Variants in ANGPTL5 observed in about 807,000 individuals in gnomAD.
ANGPTL5 encodes angiopoietin-related protein 5.
A neutral mutation model predicts 39.4 loss-of-function variants in ANGPTL5; 34 were observed. That is an observed-to-expected ratio of 0.86 (90% CI 0.66 to 1.15). ANGPTL5 has a LOEUF of 1.15. Among genes scored for constraint, ANGPTL5 ranks in the 50% most tolerant of loss-of-function variants. The pLI is 0.00. For missense variants in ANGPTL5, 467 were observed against 457.5 expected (o/e 1.02, Z -0.19); for synonymous variants, 146 against 152.1 (o/e 0.96, Z 0.29).
chr11:101,897,089 C>T (rs1329023412), intron 7 of ANGPTL5, among the ~76,000 whole-genome samples: 2 of 152,194 alleles, frequency 1.3e-5, no homozygotes, highest in Non-Finnish European at 2.9e-5. Context: ...TTTTGATTTG[C>T]ATTTCTCTAA....
chr11:101,915,906 T>C (rs1350857085), intron 1 of ANGPTL5, 113 bp downstream of exon 1: 2 of 152,392 alleles, frequency 1.3e-5, no homozygotes. Flanking sequence ...GTTTTCCATC[T>C]CTGCCCAGTC....
intron 7 of ANGPTL5, among the ~76,000 whole-genome samples, chr11:101,898,001 A>AT (rs1939829719): frequency 6.6e-6 from 1 of 152,154 alleles, no homozygotes; most frequent in African/African-American, 2.4e-5. Context: ...AGGCAGGTGG[A>AT]TCACCTGAGG....
At chr11:101,902,928 T>A (rs570908338) in intron 5 of ANGPTL5, among the ~76,000 whole-genome samples, 2 of 152,302 alleles carry the variant, frequency 1.3e-5, no homozygotes, top group East Asian at 3.9e-4. Flanking sequence ...CCTTCACTTA[T>A]AATGTCACTG....
intron 7 of ANGPTL5, among the ~76,000 whole-genome samples, chr11:101,896,156 ATATT>A (rs55980962): frequency 0.53 from 74,239 of 139,320 alleles, 19,946 homozygotes; most frequent in East Asian, 0.64. Flanking sequence ...CTGTAATCCT[ATATT>A]TATTTATTTA....
At position 101,891,587 on chromosome 11, in the gene ANGPTL5, G is replaced by A. The variant is rs773782310; in HGVS notation, c.859C>T (p.Arg287Trp). Residue 287 changes from arginine (R) to tryptophan (W), a missense_variant, in exon 9 of 9, where the codon CGG becomes TGG. Coordinates refer to ENST00000334289, the MANE Select transcript of ANGPTL5 (RefSeq NM_178127.5). ...RYSGNAGDAF[R>W]GLKKEDNQNA... is the part of the protein sequence containing the mutation. ...TGATTATCTTCTTTTTTGAGACCCCGGAATGCATCACCTGGGAAAAAAATT... is the reference window on the plus strand; with the variant it reads ...TGATTATCTTCTTTTTTGAGACCCCAGAATGCATCACCTGGGAAAAAAATT... 6.2e-6 allele frequency: 10 copies of A among 1,613,424 alleles called. No individual in the cohort carries two copies. The highest frequency in any genetic ancestry group is 3.3e-5 in the Admixed American group (2 of 59,908).
chr11:101,915,537 T>C (rs775109240), intron 1 of ANGPTL5: 1 of 1,251,034 alleles, frequency 8.0e-7, no homozygotes, highest in Non-Finnish European at 1.1e-6. Flanking sequence ...TTAGTGCAGA[T>C]ATTTCCTTTA....
rs1939872968 is a variant in ANGPTL5, at chr11:101,900,472, T to A, written c.619A>T (p.Arg207Trp). 1.9e-6 allele frequency: 3 copies of A among 1,613,498 alleles called. No individual in the cohort carries two copies. Among genetic ancestry groups the A allele is most frequent in the Non-Finnish European group, 2.5e-6 (3 of 1,179,738 alleles). The change falls in exon 7 of 9, where the codon AGG (arginine) becomes TGG (tryptophan). Residue 207 changes from arginine to tryptophan, a missense_variant. Coordinates refer to ENST00000334289, the MANE Select transcript of ANGPTL5 (RefSeq NM_178127.5). ...CCATCCAGATAATCACACCACAACC[T>A]CTGGAAATCAATTATCCCATCAATT... The part of the protein sequence containing the change: ...KRIDGIIDFQ[R>W]LWCDYLDGFG...
chr11:101,907,330 A>C, intron 2 of ANGPTL5, 83 bp from the exon 3 acceptor site: 1 of 900,848 alleles, frequency 1.1e-6, no homozygotes, highest in African/African-American at 1.7e-5. Flanking sequence ...GACTATAGAG[A>C]AAAGCTTAGA....
intron 7 of ANGPTL5, among the ~76,000 whole-genome samples, chr11:101,896,559 A>G (rs530344771): frequency 2.0e-5 from 3 of 151,590 alleles, no homozygotes; most frequent in Non-Finnish European, 4.4e-5. Flanking sequence ...CCTTGTGTCC[A>G]TGTGTTCTCA....
intron 2 of ANGPTL5, among the ~76,000 whole-genome samples, chr11:101,907,464 C>T (rs188561250): frequency 6.6e-6 from 1 of 152,100 alleles, no homozygotes; most frequent in Non-Finnish European, 1.5e-5. Flanking sequence ...TGGGTAGCCA[C>T]TCACAGGACA....
chr11:101,910,799 T>C (rs939672081), intron 1 of ANGPTL5, among the ~76,000 whole-genome samples: 8 of 152,178 alleles, frequency 5.3e-5, no homozygotes, highest in Non-Finnish European at 1.0e-4. Context: ...ACCATCCTAG[T>C]CCAAGTCTGC....
chr11:101,897,527 T>G (rs561215825), intron 7 of ANGPTL5, among the ~76,000 whole-genome samples: 2 of 152,344 alleles, frequency 1.3e-5, no homozygotes, highest in Admixed American at 1.3e-4. Flanking sequence ...TGAATTAATT[T>G]TTGTATAAGG....
At chr11:101,894,251 C>A (rs1939752985) in intron 8 of ANGPTL5, among the ~76,000 whole-genome samples, 1 of 152,074 alleles carries the variant, frequency 6.6e-6, no homozygotes, top group South Asian at 2.1e-4. Flanking sequence ...ACATAATGAA[C>A]AAGTACCACA....
At chr11:101,896,553 G>T (rs1292036043) in intron 7 of ANGPTL5, among the ~76,000 whole-genome samples, 1 of 151,912 alleles carries the variant, frequency 6.6e-6, no homozygotes, top group African/African-American at 2.4e-5. Context: ...TCCCCTCCTT[G>T]TGTCCATGTG....
chr11:101,902,516 G>T, intron 6 of ANGPTL5, 105 bp downstream of exon 6: 1 of 997,506 alleles, frequency 1.0e-6, no homozygotes, highest in Middle Eastern at 2.6e-4. Context: ...AATTTTTTGA[G>T]GAAAAATTAA....
At chr11:101,915,557 G>A (rs1940191361) in intron 1 of ANGPTL5, 5 of 1,099,250 alleles carry the variant, frequency 4.5e-6, no homozygotes, top group Non-Finnish European at 5.1e-6. Context: ...AGCAACTGTC[G>A]TGTCTCACCT....
intron 5 of ANGPTL5, among the ~76,000 whole-genome samples, 176 bp downstream of exon 5, chr11:101,904,638 G>T (rs748712808): frequency 6.6e-6 from 1 of 152,204 alleles, no homozygotes; most frequent in Non-Finnish European, 1.5e-5. Context: ...CCCATTTTAA[G>T]AAAGTACACG....
chr11:101,897,632 T>A (rs11225053), intron 7 of ANGPTL5, among the ~76,000 whole-genome samples: 4,056 of 152,310 alleles, frequency 0.027, 284 homozygotes, highest in East Asian at 0.24. Flanking sequence ...CCATTGCTTT[T>A]TTTGTCAGGT....
rs143625995 is a variant in ANGPTL5, at chr11:101,897,279, C to T, written c.662-2215G>A. ...AGCCCTTTGCCAGAAGGATAGATTG[C>T]GAAAATTTTCTCCCACTCTGCAGGT... is the stretch of plus-strand genomic sequence containing the variant. On this transcript the variant is annotated intron_variant, in intron 7 of 8. Transcript: ENST00000334289. Among the ~76,000 whole-genome samples the T allele has an allele frequency of 2.4e-3, 359 of 152,186 alleles. 1 individual carries two copies. Among genetic ancestry groups the T allele is most frequent in the Middle Eastern group, 0.01 (3 of 294 alleles).
Sources: allele counts gnomAD v4.1 joint callset (sites outside exome capture counted in the v4.1 genomes callset), GRCh38; gene constraint gnomAD v4.1.1; transcripts MANE v1.5; gene names NCBI Gene and HGNC (gene_info 2026-07-23, HGNC 2026-07-21).